The following TLL2 variants were observed in gnomAD, a reference collection of about 807,000 sequenced individuals.
TLL2 encodes tolloid-like protein 2.
In TLL2, 106 loss-of-function variants were observed where a neutral mutation model predicts 123.0. The observed-to-expected ratio is 0.86, with a 90% CI of 0.74 to 1.01. The LOEUF (loss-of-function observed/expected upper bound fraction) is 1.01. Among genes scored for constraint, TLL2 ranks in the 50% least tolerant of loss-of-function variants. The pLI, the probability that TLL2 is intolerant of heterozygous loss-of-function variation, is 0.00. For synonymous variants in TLL2, 494 were observed against 516.8 expected, an observed-to-expected ratio of 0.96 and a Z score of 0.60; for missense variants, 1,332 against 1,336.7, an observed-to-expected ratio of 1.00 and a Z score of 0.06.
chr10:96,403,955 G>T (rs113777548), intron 10 of TLL2, among the ~76,000 whole-genome samples: 1,832 of 145,226 alleles, frequency 0.013, 9 homozygotes, highest in African/African-American at 0.025. Context: ...GCACATCCAG[G>T]CATAGTACCT....
intron 8 of TLL2, among the ~76,000 whole-genome samples, chr10:96,412,190 A>G (rs1846513809): frequency 1.3e-5 from 2 of 152,072 alleles, no homozygotes; most frequent in African/African-American, 4.8e-5. Context: ...GGACGGACAT[A>G]TTTTCTAAAG....
At chr10:96,504,815 G>A (rs1284096545) in intron 1 of TLL2, among the ~76,000 whole-genome samples, 2 of 152,078 alleles carry the variant, frequency 1.3e-5, no homozygotes, top group Non-Finnish European at 2.9e-5. Context: ...GACCATCCTG[G>A]CTAACACGTT....
chr10:96,430,086 C>G (rs1460137872), intron 4 of TLL2, among the ~76,000 whole-genome samples: 1 of 152,154 alleles, frequency 6.6e-6, no homozygotes, highest in Admixed American at 6.5e-5. Flanking sequence ...AACAAAACAG[C>G]TGACATCACT....
intron 17 of TLL2, among the ~76,000 whole-genome samples, chr10:96,378,436 G>A (rs1846156888): frequency 6.6e-6 from 1 of 152,158 alleles, no homozygotes; most frequent in African/African-American, 2.4e-5. Flanking sequence ...ATGGAGCAAA[G>A]CTTTCCCCAA....
intron 4 of TLL2, among the ~76,000 whole-genome samples, chr10:96,431,108 C>T (rs1278001857): frequency 1.3e-5 from 2 of 152,112 alleles, no homozygotes; most frequent in Non-Finnish European, 2.9e-5. Context: ...TAATATAAAT[C>T]TTTGGTCAGA....
intron 17 of TLL2, among the ~76,000 whole-genome samples, chr10:96,377,340 T>C (rs1846147188): frequency 6.6e-6 from 1 of 152,266 alleles, no homozygotes; most frequent in South Asian, 2.1e-4. Flanking sequence ...AAGCTTCTTT[T>C]AGTTTTTCAA....
intron 20 of TLL2, 151 bp from the exon 21 acceptor site, chr10:96,368,373 G>A: frequency 1.1e-6 from 1 of 921,886 alleles, no homozygotes; most frequent in South Asian, 1.8e-5. Context: ...CTTTTCAAAA[G>A]AAAACATTGC....
chr10:96,401,865 C>G (rs1846400837), intron 10 of TLL2, among the ~76,000 whole-genome samples: 1 of 152,170 alleles, frequency 6.6e-6, no homozygotes, highest in African/African-American at 2.4e-5. Context: ...ATTTAGCAAA[C>G]AAAACTCAAG....
intron 13 of TLL2, among the ~76,000 whole-genome samples, chr10:96,393,362 A>G (rs1846307003): frequency 2.0e-5 from 3 of 152,260 alleles, no homozygotes; most frequent in Non-Finnish European, 4.4e-5. Flanking sequence ...CCTAGCAAAG[A>G]CAATGAACGG....
intron 9 of TLL2, among the ~76,000 whole-genome samples, chr10:96,408,539 A>C (rs1846471572): frequency 6.6e-6 from 1 of 152,190 alleles, no homozygotes; most frequent in African/African-American, 2.4e-5. Flanking sequence ...TAATTTAGAA[A>C]TTACCAGACC....
chr10:96,503,113 C>T (rs1265019904), intron 1 of TLL2, among the ~76,000 whole-genome samples: 2 of 152,098 alleles, frequency 1.3e-5, no homozygotes, highest in Admixed American at 6.5e-5. Flanking sequence ...CATCCTCTCC[C>T]TGCTTCATGG....
At position 96,367,811 on chromosome 10, in the gene TLL2, C is replaced by A; in HGVS notation, c.*277G>T. ...GGAGAATGGTATGAAGAAGCATAGC[C>A]GGAATGGTCAGTGACTTCAATCCTA... On this transcript the variant is annotated 3_prime_UTR_variant, in exon 21 of 21. Transcript: ENST00000357947. 1 of 348,762 alleles carries A rather than the reference C, an allele frequency of 2.9e-6. No individual in the cohort carries two copies. Among genetic ancestry groups the A allele is most frequent in the South Asian group, 3.9e-5 (1 of 25,454 alleles). The allele number at this position is 348,762 out of a possible 1,614,324, so 21.6% of individuals were successfully genotyped here.
chr10:96,431,932 G>A (rs1846745849), intron 4 of TLL2, among the ~76,000 whole-genome samples: 1 of 152,108 alleles, frequency 6.6e-6, no homozygotes, highest in African/African-American at 2.4e-5. Context: ...TGAGTGCTCA[G>A]GGGCCTATGA....
rs767086219 is a variant in TLL2, at chr10:96,386,033, CAATT to C, written c.2013+18_2013+21del. 15 of 1,558,256 alleles carry C rather than the reference CAATT, an allele frequency of 9.6e-6. No individual in the cohort carries two copies. The highest frequency in any genetic ancestry group is 9.2e-5 in the Admixed American group (5 of 54,072). ...GTCACCCCTCAATACAGTCCCCAATCAATTAGAGCATGGAGACATACGTCATTGC... is the reference window on the plus strand; with the variant it reads ...GTCACCCCTCAATACAGTCCCCAATCAGAGCATGGAGACATACGTCATTGC... On this transcript the variant is annotated intron_variant, in intron 15 of 20. Transcript: ENST00000357947.
At chr10:96,430,691 C>T (rs555718099) in intron 4 of TLL2, among the ~76,000 whole-genome samples, 1 of 152,306 alleles carries the variant, frequency 6.6e-6, no homozygotes, top group African/African-American at 2.4e-5. Context: ...GCCTGGGCAA[C>T]ATGGTGAAAC....
chr10:96,432,254 T>C (rs551417701), intron 4 of TLL2, among the ~76,000 whole-genome samples: 75 of 152,306 alleles, frequency 4.9e-4, no homozygotes, highest in African/African-American at 1.6e-3. Context: ...GAAGATATTA[T>C]CATCCCCATT....
At chr10:96,381,561 C>T (rs1846187533) in intron 16 of TLL2, among the ~76,000 whole-genome samples, 1 of 152,208 alleles carries the variant, frequency 6.6e-6, no homozygotes, top group South Asian at 2.1e-4. Context: ...TGTCTTCCAT[C>T]CTTTAAAACC....
In TLL2 at chr10:96,445,176, G is replaced by A. The variant is rs561394125; in HGVS notation, c.364+915C>T. 2.0e-5 allele frequency among the ~76,000 whole-genome samples: 3 copies of A among 152,230 alleles called. No individual in the cohort carries two copies. In the South Asian group the frequency reaches 6.2e-4, roughly 32 times the overall value. On this transcript the variant is annotated intron_variant, in intron 3 of 20. Coordinates refer to ENST00000357947, the MANE Select transcript of TLL2 (RefSeq NM_012465.4). ...TGCACTCCAGCCTGGGCGACAGAGC[G>A]AGACTCCACCTCAAAAAAAAAAATT... is the stretch of plus-strand genomic sequence containing the variant.
At position 96,422,629 on chromosome 10, in the gene TLL2, T is replaced by C; in HGVS notation, c.737A>G (p.His246Arg). The C allele has an allele frequency of 6.2e-7, 1 of 1,614,202 alleles. No homozygotes were observed. The highest frequency in any genetic ancestry group is 8.5e-7 in the Non-Finnish European group (1 of 1,180,034). The change falls in exon 6 of 21, where the codon CAT (histidine) becomes CGT (arginine). Residue 246 changes from histidine to arginine, a missense_variant. By Grantham distance (29) the His-to-Arg change is conservative. Coordinates refer to ENST00000357947, the MANE Select transcript of TLL2 (RefSeq NM_012465.4). ...KFGIVAHELG[H>R]VVGFWHEHTR... ...GTGTTCATGCCAAAACCCAACCACA[T>C]GGCCCAGCTCGTGAGCCACAATGCC... is the stretch of plus-strand genomic sequence containing the variant.
Sources: gnomAD v4.1 joint callset for allele counts (sites outside exome capture counted in the v4.1 genomes callset) on GRCh38, gnomAD v4.1.1 for gene constraint, MANE v1.5 for transcripts, NCBI Gene and HGNC (gene_info 2026-07-23, HGNC 2026-07-21) for gene names.